The following MTMR8 variants were observed in gnomAD, a reference collection of about 807,000 sequenced individuals.
MTMR8 encodes the protein myotubularin related protein 8.
Under a neutral mutation model 39.3 loss-of-function variants are expected in MTMR8, and 65 were observed. That is an observed-to-expected ratio of 1.65 (90% CI 1.35 to 2.03). The LOEUF (loss-of-function observed/expected upper bound fraction) is 2.03, where lower values mean the gene tolerates loss of function less well. MTMR8 is among the 30% of genes most tolerant of loss of function. The pLI is 0.00. For missense variants in MTMR8, 777 were observed against 538.9 expected (o/e 1.44, Z -4.37); for synonymous variants, 245 against 185.2 (o/e 1.32, Z -2.62).
chrX:64,318,699 TGG>T (rs1922541230), intron 12 of MTMR8, among the ~76,000 whole-genome samples: 1 of 102,275 alleles, frequency 9.8e-6, no homozygotes, highest in Non-Finnish European at 1.9e-5. Context: ...TGGTTTGGTT[TGG>T]TTTTTTGTTT....
chrX:64,305,721 A>G, intron 12 of MTMR8: 1 of 501,359 alleles, frequency 2.0e-6, no homozygotes, highest in East Asian at 3.7e-5. Flanking sequence ...TGTATCTACT[A>G]ATATATTTAC....
rs1364913278 is a variant in MTMR8, at chrX:64,328,898, ACT to A, written c.1353_1354del (p.Arg451SerfsTer3). The A allele has an allele frequency of 8.4e-7, 1 of 1,186,859 alleles. No individual in the cohort carries two copies. The highest frequency in any genetic ancestry group is 1.8e-5 in the African/African-American group (1 of 55,385). Reference sequence around the variant, plus strand: ...CCACACAGAATGTGTTTTCTCATAGACTCTGTTAGAAAAGAAAAACAAGCCAA... The same window carrying A: ...CCACACAGAATGTGTTTTCTCATAGACTGTTAGAAAAGAAAAACAAGCCAA... On this transcript the variant is annotated frameshift_variant and splice_region_variant, in exon 12 of 14. Transcript: ENST00000374852. LOFTEE classifies it high-confidence loss of function.
At chrX:64,273,567 G>C (rs971638649) in intron 12 of MTMR8, among the ~76,000 whole-genome samples, 2 of 110,953 alleles carry the variant, frequency 1.8e-5, no homozygotes, top group African/African-American at 6.5e-5. Context: ...AAGGCAAACA[G>C]AAAAAATGAA....
intron 1 of MTMR8, among the ~76,000 whole-genome samples, chrX:64,378,468 G>A (rs943705842): frequency 1.4e-4 from 16 of 111,884 alleles, no homozygotes; most frequent in African/African-American, 4.5e-4. Flanking sequence ...CGATCCTCCT[G>A]CCTTGGCCTC....
At chrX:64,287,132 C>G (rs1208246827) in intron 12 of MTMR8, among the ~76,000 whole-genome samples, 1 of 111,815 alleles carries the variant, frequency 8.9e-6, no homozygotes, top group African/African-American at 3.3e-5. Flanking sequence ...ATACAAAAAT[C>G]AATGTGCAAA....
At chrX:64,395,213 C>G in intron 1 of MTMR8, 127 bp downstream of exon 1, 3 of 707,269 alleles carry the variant, frequency 4.2e-6, no homozygotes, top group Non-Finnish European at 6.6e-6. Context: ...AGAAAGAGAA[C>G]CCGGGACCCC....
At chrX:64,290,298 G>A (rs906041121) in intron 12 of MTMR8, among the ~76,000 whole-genome samples, 2 of 110,522 alleles carry the variant, frequency 1.8e-5, no homozygotes, top group African/African-American at 6.6e-5. Context: ...ACTAAACTGG[G>A]AGTCGTGGGA....
rs995404452 is a variant in MTMR8, at chrX:64,348,800, A to C, written c.598-6T>G. 5.0e-6 allele frequency: 6 copies of C among 1,210,238 alleles called. No individual in the cohort carries two copies. The highest frequency in any genetic ancestry group is 6.7e-6 in the Non-Finnish European group (6 of 894,441). On this transcript the variant is annotated splice_region_variant and splice_polypyrimidine_tract_variant and intron_variant, in intron 5 of 13. Transcript: ENST00000374852. The stretch of plus-strand genomic sequence containing the variant: ...CTACAGCGGCAAATGGCAGCCTGTA[A>C]GGAAAAGGTGTGTCAGTTGAGTGAT...
chrX:64,283,322 C>A (rs1437828387), intron 12 of MTMR8, among the ~76,000 whole-genome samples: 1 of 111,938 alleles, frequency 8.9e-6, no homozygotes, highest in Non-Finnish European at 1.9e-5. Flanking sequence ...AACAAAGCAG[C>A]CTGGAAGCTC....
chrX:64,342,085 C>A (rs1923232778), intron 8 of MTMR8, among the ~76,000 whole-genome samples: 1 of 111,846 alleles, frequency 8.9e-6, no homozygotes, highest in South Asian at 3.7e-4. Flanking sequence ...AATTGATAAC[C>A]AATGGAGGAT....
intron 1 of MTMR8, among the ~76,000 whole-genome samples, chrX:64,382,835 G>A (rs960038851): frequency 9.0e-6 from 1 of 111,309 alleles, no homozygotes; most frequent in African/African-American, 3.3e-5. Context: ...GCTGAATATT[G>A]GAATTGGAGA....
chrX:64,282,234 G>T (rs1366254735), intron 12 of MTMR8, among the ~76,000 whole-genome samples: 3 of 111,281 alleles, frequency 2.7e-5, no homozygotes, highest in Non-Finnish European at 3.8e-5. Flanking sequence ...ATACCCAAAA[G>T]AATATAAATA....
intron 1 of MTMR8, among the ~76,000 whole-genome samples, chrX:64,361,689 TA>T (rs1050795063): frequency 9.9e-5 from 11 of 111,573 alleles, no homozygotes; most frequent in African/African-American, 3.2e-4. Context: ...CTTAACTTGG[TA>T]AAAATTATAT....
chrX:64,372,465 T>C (rs1211177963), intron 1 of MTMR8, among the ~76,000 whole-genome samples: 3 of 111,568 alleles, frequency 2.7e-5, no homozygotes, highest in Non-Finnish European at 3.8e-5. Flanking sequence ...CCTTCTGCTA[T>C]TTCTTTAGAG....
At chrX:64,354,746 A>G (rs747682213) in intron 4 of MTMR8, 31 bp downstream of exon 4, 2 of 1,149,798 alleles carry the variant, frequency 1.7e-6, no homozygotes, top group South Asian at 4.1e-5. Flanking sequence ...AATTAAATGC[A>G]CCAAAAGGCA....
intron 12 of MTMR8, among the ~76,000 whole-genome samples, chrX:64,292,682 C>T (rs1015818783): frequency 4.5e-5 from 5 of 111,086 alleles, no homozygotes; most frequent in Non-Finnish European, 9.4e-5. Flanking sequence ...AATGCATCAT[C>T]TTTCTTGCCC....
At chrX:64,310,663 C>G (rs1187590286) in intron 12 of MTMR8, among the ~76,000 whole-genome samples, 1 of 110,167 alleles carries the variant, frequency 9.1e-6, no homozygotes, top group East Asian at 2.8e-4. Context: ...CCCTCACCCC[C>G]CAACAGGCCC....
intron 1 of MTMR8, among the ~76,000 whole-genome samples, chrX:64,386,058 T>G (rs1257059231): frequency 1.1e-4 from 12 of 110,583 alleles, no homozygotes; most frequent in Middle Eastern, 4.6e-3. Context: ...TCTACCTGAA[T>G]CAGCTTAATA....
Position 64,355,794 on chromosome X carries a change from C to G in MTMR8, c.310+382G>C, listed in dbSNP as rs377052321. 6.3e-5 allele frequency among the ~76,000 whole-genome samples: 7 copies of G among 110,832 alleles called. No individual in the cohort carries two copies. In the East Asian group the frequency reaches 2.0e-3, roughly 32 times the overall value. On this transcript the variant is annotated intron_variant, in intron 3 of 13. Coordinates refer to ENST00000374852, the MANE Select transcript of MTMR8 (RefSeq NM_017677.4). ...AAAAGTAGGGGTGGAAATCGTGGGC[C>G]AAACAAAAAGTCTGCAGGACAGCAG...
Sources: gnomAD v4.1 joint callset for allele counts (sites outside exome capture counted in the v4.1 genomes callset) on GRCh38, gnomAD v4.1.1 for gene constraint, MANE v1.5 for transcripts, NCBI Gene and HGNC (gene_info 2026-07-23, HGNC 2026-07-21) for gene names.